The following TEC variants were observed in gnomAD, a reference collection of about 807,000 sequenced individuals.
TEC encodes tec protein tyrosine kinase, also known as tyrosine-protein kinase Tec.
A neutral mutation model predicts 93.0 loss-of-function variants in TEC; 72 were observed. The observed-to-expected ratio is 0.77, with a 90% CI of 0.64 to 0.94. TEC has a LOEUF of 0.94. Ranked by LOEUF, TEC falls within the 40% of genes least tolerant of loss-of-function variation. The probability of loss-of-function intolerance (pLI) is 0.00; values close to 1 mark genes in which losing one functional copy is unlikely to be tolerated. For missense variants in TEC, 630 were observed against 757.9 expected, an observed-to-expected ratio of 0.83 and a Z score of 1.98; for synonymous variants, 249 against 247.7, an observed-to-expected ratio of 1.01 and a Z score of -0.05.
At position 48,173,533 on chromosome 4, in the gene TEC, T is replaced by A. The variant is rs2661543; in HGVS notation, c.244-2084A>T. 3.3e-5 allele frequency among the ~76,000 whole-genome samples: 5 copies of A among 152,114 alleles called. No homozygotes were observed. In the South Asian group the frequency reaches 8.3e-4, roughly 25 times the overall value. ...AAGGATCCAGGGAGCTGTGTTTCTC[T>A]CTGCCTTAATTCTTGTGCTGAGTCA... is the stretch of plus-strand genomic sequence containing the variant. On this transcript the variant is annotated intron_variant, in intron 3 of 17. Transcript: ENST00000381501.
At position 48,138,997 on chromosome 4, in the gene TEC, T is replaced by C. The variant is rs1246113513; in HGVS notation, c.1561A>G (p.Ser521Gly). The C allele has an allele frequency of 1.2e-6, 2 of 1,614,190 alleles. No individual in the cohort carries two copies. Among genetic ancestry groups the C allele is most frequent in the Admixed American group, 1.7e-5 (1 of 60,028 alleles). The change falls in exon 16 of 18, where the codon AGT becomes GGT. Residue 521 changes from serine to glycine, a missense_variant. By Grantham distance (56) the Ser-to-Gly change is moderately conservative. This residue lies in a region of TEC where 289 missense variants were observed against 390.0 expected (regional missense o/e 0.74). Transcript: ENST00000381501. ...ARYVLDDQYT[S>G]SSGAKFPVKW... ...ACAGGAAACTTAGCACCAGAAGAACTTGTGTACTGATCATCCAGAACATAC... is the reference window on the plus strand; with the variant it reads ...ACAGGAAACTTAGCACCAGAAGAACCTGTGTACTGATCATCCAGAACATAC...
chr4:48,169,069 A>G (rs2109544183), intron 5 of TEC, among the ~76,000 whole-genome samples: 1 of 152,272 alleles, frequency 6.6e-6, no homozygotes, highest in Admixed American at 6.5e-5. Context: ...CAATGGGACC[A>G]AATTCTAATC....
chr4:48,180,623 A>C (rs1248622873), intron 2 of TEC, among the ~76,000 whole-genome samples: 1 of 152,194 alleles, frequency 6.6e-6, no homozygotes, highest in Non-Finnish European at 1.5e-5. Flanking sequence ...TCAGGCTGCA[A>C]AACAACAAAG....
intron 1 of TEC, among the ~76,000 whole-genome samples, chr4:48,257,836 AT>A (rs1205112316): frequency 2.0e-5 from 3 of 152,174 alleles, no homozygotes; most frequent in African/African-American, 7.2e-5. Context: ...GGATGGAAGT[AT>A]TTTCCTCAAT....
At chr4:48,152,267 A>C (rs1453911739) in intron 9 of TEC, among the ~76,000 whole-genome samples, 2 of 151,892 alleles carry the variant, frequency 1.3e-5, no homozygotes, top group African/African-American at 4.8e-5. Flanking sequence ...CTCTACTAAA[A>C]ATACCCCATC....
At chr4:48,234,292 G>C (rs1237008861) in intron 1 of TEC, among the ~76,000 whole-genome samples, 3 of 152,190 alleles carry the variant, frequency 2.0e-5, no homozygotes. Flanking sequence ...AAAGCTACTT[G>C]GGGATGTAGC....
intron 1 of TEC, among the ~76,000 whole-genome samples, chr4:48,234,264 C>G (rs1326370333): frequency 1.3e-5 from 2 of 152,224 alleles, no homozygotes; most frequent in Non-Finnish European, 2.9e-5. Flanking sequence ...ACAATTTTCT[C>G]TTATCCACCT....
chr4:48,259,171 C>G (rs1374476494), intron 1 of TEC, among the ~76,000 whole-genome samples: 1 of 152,216 alleles, frequency 6.6e-6, no homozygotes. Context: ...GGCCATGAAT[C>G]TTTCTCAAGT....
intron 14 of TEC, chr4:48,141,746 A>T (rs1719682739): frequency 4.4e-6 from 1 of 225,554 alleles, no homozygotes; most frequent in South Asian, 5.6e-5. Context: ...GCAGTGGCAC[A>T]ATCTTGGCTC....
At chr4:48,213,337 C>T (rs553292952) in intron 2 of TEC, among the ~76,000 whole-genome samples, 19 of 152,044 alleles carry the variant, frequency 1.2e-4, no homozygotes, top group Non-Finnish European at 2.1e-4. Context: ...TAGAATCATG[C>T]GAAACTTTGA....
At chr4:48,158,942 T>C (rs923833747) in intron 8 of TEC, among the ~76,000 whole-genome samples, 1 of 152,226 alleles carries the variant, frequency 6.6e-6, no homozygotes, top group Admixed American at 6.5e-5. Context: ...ATTCAGACCT[T>C]TAAGTGTCTG....
At position 48,228,485 on chromosome 4, in the gene TEC, G is replaced by C; in HGVS notation, c.130C>G (p.Arg44Gly). The change falls in exon 2 of 18, where the codon CGA (arginine) becomes GGA (glycine). Residue 44 changes from arginine to glycine, a missense_variant. Coordinates refer to ENST00000381501, the MANE Select transcript of TEC (RefSeq NM_003215.3). ...TKSMLTYYEGRAEKKYRKGFI... is the reference protein window; with the variant it reads ...TKSMLTYYEGGAEKKYRKGFI... The stretch of plus-strand genomic sequence containing the variant: ...TCGTGATTGTCTCTTACCTCTGCTC[G>C]ACCCTCATAGTAGGTTAGCATGGAC... 6.2e-7 allele frequency: 1 copy of C among 1,601,686 alleles called. No individual in the cohort carries two copies. The highest frequency in any genetic ancestry group is 8.5e-7 in the Non-Finnish European group (1 of 1,176,598).
chr4:48,236,533 C>T (rs1723791088), intron 1 of TEC, among the ~76,000 whole-genome samples: 1 of 152,172 alleles, frequency 6.6e-6, no homozygotes, highest in South Asian at 2.1e-4. Context: ...CCACCCGTCG[C>T]GGCCTCCCAA....
At chr4:48,258,495 T>C (rs545612541) in intron 1 of TEC, among the ~76,000 whole-genome samples, 7 of 152,294 alleles carry the variant, frequency 4.6e-5, no homozygotes, top group East Asian at 3.9e-4. Flanking sequence ...ATCAACTGTT[T>C]AGCTTTTTCA....
At chr4:48,251,875 A>C (rs1222437677) in intron 1 of TEC, among the ~76,000 whole-genome samples, 1 of 152,220 alleles carries the variant, frequency 6.6e-6, no homozygotes. Flanking sequence ...ACAGAGAAGA[A>C]ATAGTAGAAG....
intron 9 of TEC, among the ~76,000 whole-genome samples, chr4:48,155,485 C>T (rs1033888917): frequency 3.3e-5 from 5 of 152,202 alleles, no homozygotes; most frequent in Admixed American, 1.3e-4. Context: ...ACTAGACGGG[C>T]ATTTACTGCC....
At chr4:48,251,740 T>C (rs556795215) in intron 1 of TEC, among the ~76,000 whole-genome samples, 3 of 152,112 alleles carry the variant, frequency 2.0e-5, no homozygotes, top group Non-Finnish European at 4.4e-5. Flanking sequence ...GCCTTTATTA[T>C]AAAAAGAAGA....
At chr4:48,194,086 T>C (rs750632710) in intron 2 of TEC, among the ~76,000 whole-genome samples, 2 of 152,140 alleles carry the variant, frequency 1.3e-5, no homozygotes, top group Non-Finnish European at 2.9e-5. Context: ...AATGGATTGA[T>C]GAAGTGATAA....
At chr4:48,174,866 C>G (rs1039316630) in intron 3 of TEC, among the ~76,000 whole-genome samples, 6 of 152,160 alleles carry the variant, frequency 3.9e-5, no homozygotes, top group Admixed American at 3.3e-4. Context: ...TTACCTTGCT[C>G]TGATTATATG....
Sources: allele counts gnomAD v4.1 joint callset (sites outside exome capture counted in the v4.1 genomes callset), GRCh38; gene constraint gnomAD v4.1.1; regional missense constraint gnomAD v4.1.1; transcripts MANE v1.5; gene names NCBI Gene and HGNC (gene_info 2026-07-23, HGNC 2026-07-21).